SCN10A: variants seen among roughly 807,000 people sequenced by gnomAD.
SCN10A encodes sodium channel protein type 10 subunit alpha.
Under a neutral mutation model 170.7 loss-of-function variants are expected in SCN10A, and 162 were observed. That is an observed-to-expected ratio of 0.95 (90% CI 0.84 to 1.08). The LOEUF (loss-of-function observed/expected upper bound fraction) is 1.08, where lower values mean the gene tolerates loss of function less well. Among genes scored for constraint, SCN10A ranks in the 50% least tolerant of loss-of-function variants. The pLI, the probability that SCN10A is intolerant of heterozygous loss-of-function variation, is 0.00. For synonymous variants in SCN10A, 985 were observed against 904.6 expected, an observed-to-expected ratio of 1.09 and a Z score of -1.59; for missense variants, 2,527 against 2,436.9, an observed-to-expected ratio of 1.04 and a Z score of -0.78.
chr3:38,782,148 C>G (rs1201265246), intron 4 of SCN10A, among the ~76,000 whole-genome samples: 2 of 151,882 alleles, frequency 1.3e-5, no homozygotes, highest in African/African-American at 4.8e-5. Context: ...TTGTCCATTT[C>G]TTTATTTGTC....
intron 26 of SCN10A, among the ~76,000 whole-genome samples, chr3:38,705,960 T>C (rs1166718799): frequency 6.6e-6 from 1 of 152,162 alleles, no homozygotes; most frequent in East Asian, 1.9e-4. Flanking sequence ...ACTGAACTTG[T>C]TGATGGAGGG....
chr3:38,758,072 C>T (rs2063829773), intron 8 of SCN10A, among the ~76,000 whole-genome samples: 2 of 152,162 alleles, frequency 1.3e-5, no homozygotes, highest in Admixed American at 6.5e-5. Context: ...CTTGTGAATA[C>T]ATGGAATTCT....
chr3:38,814,771 A>G (rs1459859772), intron 1 of SCN10A, among the ~76,000 whole-genome samples: 3 of 152,228 alleles, frequency 2.0e-5, no homozygotes, highest in African/African-American at 7.2e-5. Context: ...TTACTTTTTA[A>G]GGCCACTCTA....
intron 13 of SCN10A, among the ~76,000 whole-genome samples, chr3:38,747,860 A>C (rs886210172): frequency 3.3e-5 from 5 of 152,102 alleles, no homozygotes; most frequent in Non-Finnish European, 5.9e-5. Context: ...CTTGGAGAGA[A>C]TTTTCCATCT....
rs2063486138 is a variant in SCN10A at position 38,728,871 on chromosome 3, G to C, written c.2311C>G (p.Pro771Ala). The part of the protein sequence containing the change: ...LRVFKLAKSW[P>A]TLNTLIKIIG... ...ATCTTGATGAGTGTGTTTAAGGTGGGCCAGGATTTGGCCAGCTTGAATACG... is the reference window on the plus strand; with the variant it reads ...ATCTTGATGAGTGTGTTTAAGGTGGCCCAGGATTTGGCCAGCTTGAATACG... The change falls in exon 16 of 28, where the codon CCC becomes GCC. Residue 771 changes from proline (P) to alanine (A), a missense_variant. By Grantham distance (27) the Pro-to-Ala change is conservative (BLOSUM62 -1). Coordinates refer to ENST00000449082, the MANE Select transcript of SCN10A (RefSeq NM_006514.4). 7 of 1,612,422 alleles carry C rather than the reference G, an allele frequency of 4.3e-6. No homozygotes were observed. The highest frequency in any genetic ancestry group is 5.9e-6 in the Non-Finnish European group (7 of 1,178,620).
At chr3:38,727,148 G>A in intron 16 of SCN10A, 96 bp from the exon 17 acceptor site, 3 of 1,171,934 alleles carry the variant, frequency 2.6e-6, no homozygotes, top group Non-Finnish European at 3.7e-6. Flanking sequence ...GACAGCCACG[G>A]CCTGGGCCTC....
At chr3:38,701,618 C>G (rs969262461) in intron 27 of SCN10A, among the ~76,000 whole-genome samples, 2 of 152,204 alleles carry the variant, frequency 1.3e-5, no homozygotes, top group African/African-American at 4.8e-5. Context: ...GAAAACACTT[C>G]GTGTGAGCAT....
rs1357998439 is a variant in SCN10A, at chr3:38,698,374, G to A, written c.4846C>T (p.Leu1616Phe). Residue 1616 changes from leucine (L) to phenylalanine (F), a missense_variant, in exon 28 of 28, where the codon CTT (leucine) becomes TTT (phenylalanine). Leu to Phe is a conservative substitution (Grantham distance 22). Coordinates refer to ENST00000449082, the MANE Select transcript of SCN10A (RefSeq NM_006514.4). ...AAGATAGAGTAGATGAACATGACAAGGAATAGCAACAGCCCGATGTTGAAG... is the reference window on the plus strand; with the variant it reads ...AAGATAGAGTAGATGAACATGACAAAGAATAGCAACAGCCCGATGTTGAAG... Reference protein sequence around the residue: ...ALFNIGLLLFLVMFIYSIFGM... With the variant: ...ALFNIGLLLFFVMFIYSIFGM... The A allele has an allele frequency of 1.2e-6, 2 of 1,614,074 alleles. No homozygotes were observed. Among genetic ancestry groups the A allele is most frequent in the East Asian group, 2.2e-5 (1 of 44,894 alleles).
In SCN10A at chr3:38,800,027, C is replaced by T. The variant is rs1247209357; in HGVS notation, c.-32-5985G>A. ...CTTTCTAAGTTCTTTATGGGTTACA[C>T]TATTCTCAGAAAGTTTGTCAGCCCT... On this transcript the variant is annotated intron_variant, in intron 1 of 27. Transcript: ENST00000449082. Among the ~76,000 whole-genome samples the T allele has an allele frequency of 2.0e-5, 3 of 152,190 alleles. No individual in the cohort carries two copies. In the East Asian group the frequency reaches 5.8e-4, roughly 29 times the overall value.
intron 5 of SCN10A, 129 bp from the exon 6 acceptor site, chr3:38,763,725 A>C: frequency 1.5e-6 from 1 of 681,646 alleles, no homozygotes; most frequent in South Asian, 1.7e-5. Flanking sequence ...GAATCTAGTG[A>C]CACTGCCATC....
chr3:38,701,857 C>A lies in SCN10A; in HGVS notation c.4639G>T (p.Val1547Leu), dbSNP rs377492327. The change falls in exon 27 of 28, where the codon GTG becomes TTG. Residue 1547 changes from valine to leucine, a missense_variant. Coordinates refer to ENST00000449082, the MANE Select transcript of SCN10A (RefSeq NM_006514.4). The part of the protein sequence containing the change: ...NGWNVFDFIV[V>L]VLSIASLIFS... ...CACTTACTCGCAATGGAGAGAACCA[C>A]CACAATGAAGTCAAACACATTCCAG... 19 of 1,610,646 alleles carry A rather than the reference C, an allele frequency of 1.2e-5. No individual in the cohort carries two copies. The African/African-American group carries it at 1.9e-4, about 16-fold the overall frequency.
chr3:38,804,692 T>C (rs772396663), intron 1 of SCN10A, among the ~76,000 whole-genome samples: 36 of 152,056 alleles, frequency 2.4e-4, no homozygotes, highest in Non-Finnish European at 4.9e-4. Context: ...CCAGGGTGGA[T>C]AGAAACTGAC....
At chr3:38,698,743 C>T (rs2063125719) in intron 27 of SCN10A, among the ~76,000 whole-genome samples, 181 bp from the exon 28 acceptor site, 1 of 152,076 alleles carries the variant, frequency 6.6e-6, no homozygotes, top group East Asian at 1.9e-4. Flanking sequence ...CAGTAAATGC[C>T]CATTGCATAA....
intron 1 of SCN10A, among the ~76,000 whole-genome samples, chr3:38,799,443 C>T (rs576832002): frequency 6.6e-6 from 1 of 152,276 alleles, no homozygotes; most frequent in African/African-American, 2.4e-5. Flanking sequence ...AAATTTTCCC[C>T]TTTGTAATAC....
chr3:38,757,731 C>T (rs2063824862), intron 8 of SCN10A, among the ~76,000 whole-genome samples: 1 of 152,170 alleles, frequency 6.6e-6, no homozygotes, highest in Non-Finnish European at 1.5e-5. Context: ...ACGCAGGTGT[C>T]AATATATTTA....
chr3:38,813,769 C>A (rs1366234016), intron 1 of SCN10A, among the ~76,000 whole-genome samples: 1 of 152,132 alleles, frequency 6.6e-6, no homozygotes, highest in Non-Finnish European at 1.5e-5. Flanking sequence ...GCAAGATGGA[C>A]CAAAGTGACA....
At chr3:38,771,018 G>A (rs959419848) in intron 5 of SCN10A, among the ~76,000 whole-genome samples, 4 of 152,162 alleles carry the variant, frequency 2.6e-5, no homozygotes, top group Admixed American at 6.5e-5. Context: ...TTTGGAGGCA[G>A]GTTTCCCCCC....
At chr3:38,783,272 C>T (rs1293821744) in intron 4 of SCN10A, among the ~76,000 whole-genome samples, 1 of 152,056 alleles carries the variant, frequency 6.6e-6, no homozygotes, top group Non-Finnish European at 1.5e-5. Context: ...GGAACGTGAC[C>T]AGCACTTCAC....
chr3:38,717,717 C>T (rs934345549), intron 21 of SCN10A, among the ~76,000 whole-genome samples: 7 of 152,258 alleles, frequency 4.6e-5, no homozygotes, highest in African/African-American at 1.2e-4. Flanking sequence ...CCTGACACCT[C>T]TGCTGGGCAG....
Sources: gnomAD v4.1 joint callset for allele counts (sites outside exome capture counted in the v4.1 genomes callset) on GRCh38, gnomAD v4.1.1 for gene constraint, MANE v1.5 for transcripts, NCBI Gene and HGNC (gene_info 2026-07-23, HGNC 2026-07-21) for gene names.